Variants in TTLL13 observed in about 807,000 individuals in gnomAD.
TTLL13 encodes tubulin polyglutamylase TTLL13.
chr15:90,251,133 A>C, the TTLL13 span, among the ~76,000 whole-genome samples: 1 of 36,678 alleles, frequency 2.7e-5, no homozygotes, highest in African/African-American at 1.3e-4. Context: ...TTTTTTTTTG[A>C]GACAGAGTCT....
the TTLL13 span, chr15:90,251,480 G>A: frequency 7.1e-7 from 1 of 1,415,004 alleles, no homozygotes; most frequent in East Asian, 2.3e-5. Context: ...TTGTGAATTT[G>A]TTGGATGTCT....
At chr15:90,256,214 C>G in the TTLL13 span, 1 of 1,614,206 alleles carries the variant, frequency 6.2e-7, no homozygotes, top group Admixed American at 1.7e-5. Flanking sequence ...CAGTGGCTGT[C>G]AGGGACGTGG....
At chr15:90,256,566 T>C in the TTLL13 span, among the ~76,000 whole-genome samples, 89 of 80,988 alleles carry the variant, frequency 1.1e-3, no homozygotes, top group Non-Finnish European at 1.8e-3. Flanking sequence ...TCTTTCTTTC[T>C]TTCTTTCTTT....
the TTLL13 span, chr15:90,261,970 G>A: frequency 6.7e-7 from 1 of 1,493,834 alleles, no homozygotes; most frequent in Non-Finnish European, 8.9e-7. Flanking sequence ...CATTCCCACA[G>A]CCCTACTCTT....
the TTLL13 span, chr15:90,257,857 T>C: frequency 1.0e-6 from 1 of 981,078 alleles, no homozygotes; most frequent in Non-Finnish European, 1.5e-6. Context: ...GTCCTGTGCC[T>C]GCACTTTGGA....
the TTLL13 span, chr15:90,253,296 G>A: frequency 6.2e-7 from 1 of 1,613,870 alleles, no homozygotes; most frequent in Non-Finnish European, 8.5e-7. Context: ...GGGGGAGGAT[G>A]AAGAGTGGAC....
the TTLL13 span, chr15:90,263,120 G>T: frequency 6.5e-7 from 1 of 1,528,222 alleles, no homozygotes. Context: ...GGCCCCCAGG[G>T]CCAGAAAAAA....
the TTLL13 span, chr15:90,262,661 G>A: frequency 4.0e-6 from 6 of 1,487,954 alleles, no homozygotes; most frequent in Non-Finnish European, 5.3e-6. Context: ...CCGCAACTGG[G>A]AGAAAGAGGT....
chr15:90,256,601 C>A, the TTLL13 span, among the ~76,000 whole-genome samples: 3 of 32,992 alleles, frequency 9.1e-5, no homozygotes, highest in Admixed American at 4.3e-4. Context: ...TTCTTTCTTT[C>A]TTTCTTTCCT....
At chr15:90,263,075 G>A in the TTLL13 span, 2 of 1,536,106 alleles carry the variant, frequency 1.3e-6, no homozygotes, top group Non-Finnish European at 1.7e-6. Context: ...CGAAGCCTGG[G>A]TATTGTAGAG....
the TTLL13 span, chr15:90,262,015 A>C: frequency 2.6e-6 from 4 of 1,533,054 alleles, no homozygotes; most frequent in Non-Finnish European, 3.5e-6. Context: ...GGAAAGAAAA[A>C]ACTGAGTCAT....
the TTLL13 span, chr15:90,257,395 C>A: frequency 7.0e-7 from 1 of 1,426,186 alleles, no homozygotes; most frequent in Non-Finnish European, 9.4e-7. Context: ...ATGAAGCCAG[C>A]AAGAGCTGCA....
the TTLL13 span, chr15:90,255,951 G>T: frequency 6.2e-7 from 1 of 1,609,114 alleles, no homozygotes; most frequent in Non-Finnish European, 8.5e-7. Context: ...TCAGAGCTCT[G>T]GTCTTGTGAC....
At chr15:90,258,244 A>G in the TTLL13 span, 1 of 1,614,126 alleles carries the variant, frequency 6.2e-7, no homozygotes, top group Non-Finnish European at 8.5e-7. Context: ...TTGCTGGACC[A>G]CAAGTTGAAG....
chr15:90,258,216 A>G, the TTLL13 span: 1 of 1,614,256 alleles, frequency 6.2e-7, no homozygotes, highest in Non-Finnish European at 8.5e-7. Flanking sequence ...CTGTTTTGAA[A>G]TCCTTGGTTT....
At chr15:90,260,716 T>A in the TTLL13 span, among the ~76,000 whole-genome samples, 2 of 151,672 alleles carry the variant, frequency 1.3e-5, no homozygotes, top group African/African-American at 4.8e-5. Context: ...CTGGGCGTGG[T>A]GGTGCATGCC....
the TTLL13 span, among the ~76,000 whole-genome samples, chr15:90,252,963 A>C: frequency 6.6e-6 from 1 of 152,206 alleles, no homozygotes; most frequent in Non-Finnish European, 1.5e-5. Flanking sequence ...AGACCGTGCC[A>C]CTGCACTCCA....
the TTLL13 span, chr15:90,256,139 A>G: frequency 6.2e-7 from 1 of 1,614,024 alleles, no homozygotes; most frequent in Non-Finnish European, 8.5e-7. Context: ...CTCTGCACAT[A>G]GCTATGGGGA....
the TTLL13 span, chr15:90,257,756 G>A: frequency 1.9e-6 from 3 of 1,595,712 alleles, no homozygotes; most frequent in South Asian, 1.1e-5. Flanking sequence ...TGCTTCCTCT[G>A]CCCCTTAGCC....
Sources: allele counts gnomAD v4.1 joint callset (sites outside exome capture counted in the v4.1 genomes callset), GRCh38; gene constraint gnomAD v4.1.1; transcripts MANE v1.5; gene names NCBI Gene and HGNC (gene_info 2026-07-23, HGNC 2026-07-21).